Variants in DHRSX observed in about 807,000 individuals in gnomAD.
DHRSX encodes the protein polyprenol dehydrogenase.
A neutral mutation model predicts 34.0 loss-of-function variants in DHRSX; 31 were observed. That is an observed-to-expected ratio of 0.91 (90% CI 0.69 to 1.23). DHRSX has a LOEUF of 1.23. DHRSX is among the 50% of genes most tolerant of loss of function. DHRSX has a pLI of 0.00. For missense variants in DHRSX, 414 were observed against 428.1 expected (o/e 0.97, Z 0.29); for synonymous variants, 201 against 183.8 (o/e 1.09, Z -0.76).
intron 3 of DHRSX, among the ~76,000 whole-genome samples, chrX:2,396,279 T>C (rs984734576): frequency 2.0e-5 from 3 of 152,118 alleles, no homozygotes; most frequent in African/African-American, 7.2e-5. Flanking sequence ...CCAAATAAGT[T>C]CCTGTTCACA....
intron 3 of DHRSX, among the ~76,000 whole-genome samples, chrX:2,312,386 A>G (rs1649389619): frequency 6.6e-6 from 1 of 152,132 alleles, no homozygotes; most frequent in Non-Finnish European, 1.5e-5. Context: ...ATGGAATACT[A>G]TGCAGCCATA....
At chrX:2,263,747 G>A (rs1277984667) in intron 5 of DHRSX, among the ~76,000 whole-genome samples, 3 of 151,988 alleles carry the variant, frequency 2.0e-5, no homozygotes, top group Non-Finnish European at 2.9e-5. Flanking sequence ...TCCTGACCTC[G>A]TGATCTACCT....
At chrX:2,230,253 GC>G (rs2015844386) in intron 6 of DHRSX, among the ~76,000 whole-genome samples, 1 of 152,200 alleles carries the variant, frequency 6.6e-6, no homozygotes, top group South Asian at 2.1e-4. Context: ...ATGTGTACGT[GC>G]ACACACGTGC....
chrX:2,330,521 GAAAA>G (rs201209848), intron 3 of DHRSX, among the ~76,000 whole-genome samples: 2 of 87,470 alleles, frequency 2.3e-5, no homozygotes, highest in African/African-American at 7.7e-5. Flanking sequence ...CTCCGTGAAA[GAAAA>G]AAAAAAAGAA....
chrX:2,314,326 A>G (rs1221342948), intron 3 of DHRSX, among the ~76,000 whole-genome samples: 1 of 22,396 alleles, frequency 4.5e-5, no homozygotes, highest in Non-Finnish European at 9.5e-5. Context: ...CAGGGAGGGA[A>G]GGAGGGAGGG....
chrX:2,403,448 T>G (rs762170835), intron 3 of DHRSX, among the ~76,000 whole-genome samples: 2 of 152,336 alleles, frequency 1.3e-5, no homozygotes, highest in South Asian at 4.1e-4. Flanking sequence ...AACTAACATT[T>G]TTTAATGGTG....
chrX:2,300,187 A>G (rs1321502675), intron 3 of DHRSX, among the ~76,000 whole-genome samples: 1 of 152,140 alleles, frequency 6.6e-6, no homozygotes, highest in East Asian at 1.9e-4. Flanking sequence ...GGAATTGAAT[A>G]GTGCCTTCAT....
Position 2,448,789 on chromosome X carries a change from G to A in DHRSX, c.110-23485C>T, listed in dbSNP as rs2044176005. Among the ~76,000 whole-genome samples, 5 of 152,302 alleles carry A rather than the reference G, an allele frequency of 3.3e-5. No individual in the cohort carries two copies. In the South Asian group the frequency reaches 1.0e-3, roughly 32 times the overall value. On this transcript the variant is annotated intron_variant, in intron 1 of 6. Transcript: ENST00000334651. ...ACAAGTCCCAGTTTTGAGGACAGCTGTGACATATTTAATGGTGTCTCTTCT... is the reference window on the plus strand; with the variant it reads ...ACAAGTCCCAGTTTTGAGGACAGCTATGACATATTTAATGGTGTCTCTTCT...
In DHRSX at chrX:2,438,374, A is replaced by G. The variant is rs754093254; in HGVS notation, c.110-13070T>C. ...GTAAGATTGACAGCAAAGCATCAAT[A>G]AAGACTGCAAACCGGCCACGTGCAG... On this transcript the variant is annotated intron_variant, in intron 1 of 6. Coordinates refer to ENST00000334651, the MANE Select transcript of DHRSX (RefSeq NM_145177.3). Among the ~76,000 whole-genome samples the G allele has an allele frequency of 1.1e-4, 16 of 151,982 alleles. No individual in the cohort carries two copies. In the South Asian group the frequency reaches 3.3e-3, roughly 32 times the overall value.
chrX:2,479,361 C>T (rs28514873), intron 1 of DHRSX, among the ~76,000 whole-genome samples: 65 of 145,078 alleles, frequency 4.5e-4, no homozygotes, highest in South Asian at 3.9e-3. Context: ...ACCTCCGCCA[C>T]GTACACACTG....
At chrX:2,251,569 A>T (rs2016434203) in intron 5 of DHRSX, among the ~76,000 whole-genome samples, 1 of 152,202 alleles carries the variant, frequency 6.6e-6, no homozygotes, top group Non-Finnish European at 1.5e-5. Context: ...ACACAGCAGT[A>T]GGGCGGACGC....
At chrX:2,382,475 C>T (rs1170411919) in intron 3 of DHRSX, among the ~76,000 whole-genome samples, 5 of 151,642 alleles carry the variant, frequency 3.3e-5, no homozygotes, top group African/African-American at 1.2e-4. Flanking sequence ...CCATCACCAA[C>T]ATCATAGCCA....
chrX:2,396,961 A>C (rs186004050), intron 3 of DHRSX, among the ~76,000 whole-genome samples: 51 of 152,104 alleles, frequency 3.4e-4, no homozygotes, highest in African/African-American at 1.2e-3. Flanking sequence ...GAATAAAGAG[A>C]ATGGCTGAAA....
intron 1 of DHRSX, among the ~76,000 whole-genome samples, chrX:2,449,148 C>T (rs2044181854): frequency 6.6e-6 from 1 of 151,336 alleles, no homozygotes; most frequent in Admixed American, 6.6e-5. Context: ...AAGATCGCAC[C>T]ACTGCACTCC....
chrX:2,246,226 C>A (rs1352607882), intron 5 of DHRSX, among the ~76,000 whole-genome samples: 1 of 152,134 alleles, frequency 6.6e-6, no homozygotes, highest in Non-Finnish European at 1.5e-5. Context: ...ATGTTTAACA[C>A]ATTCAAAAGA....
chrX:2,270,007 T>C (rs1031666516), intron 4 of DHRSX, among the ~76,000 whole-genome samples: 1 of 152,172 alleles, frequency 6.6e-6, no homozygotes, highest in African/African-American at 2.4e-5. Flanking sequence ...TCTATACATA[T>C]ATGTAGGTCT....
chrX:2,485,172 T>C (rs2044856063), intron 1 of DHRSX, among the ~76,000 whole-genome samples: 2 of 152,102 alleles, frequency 1.3e-5, no homozygotes, highest in Admixed American at 1.3e-4. Flanking sequence ...CAGGCTGGGA[T>C]GAGAACCGTC....
At chrX:2,403,363 G>A (rs2043511669) in intron 3 of DHRSX, among the ~76,000 whole-genome samples, 1 of 152,186 alleles carries the variant, frequency 6.6e-6, no homozygotes, top group Admixed American at 6.6e-5. Context: ...AACAGCCACA[G>A]AAAGTGCAAA....
intron 1 of DHRSX, among the ~76,000 whole-genome samples, chrX:2,494,359 G>A (rs942822626): frequency 6.6e-6 from 1 of 151,804 alleles, no homozygotes; most frequent in South Asian, 2.1e-4. Context: ...GCTGAAAGAG[G>A]TTCTAGAACC....
Sources: gnomAD v4.1 joint callset for allele counts (sites outside exome capture counted in the v4.1 genomes callset) on GRCh38, gnomAD v4.1.1 for gene constraint, MANE v1.5 for transcripts, NCBI Gene and HGNC (gene_info 2026-07-23, HGNC 2026-07-21) for gene names.